FAM178B: variants seen among roughly 807,000 people sequenced by gnomAD.
FAM178B encodes protein FAM178B.
A neutral mutation model predicts 91.7 loss-of-function variants in FAM178B; 82 were observed. The observed-to-expected ratio is 0.89, with a 90% confidence interval of 0.75 to 1.07. The LOEUF (loss-of-function observed/expected upper bound fraction) is 1.07. Ranked by LOEUF, FAM178B falls within the 50% of genes least tolerant of loss-of-function variation. The pLI is 0.00. For synonymous variants in FAM178B, 368 were observed against 359.4 expected, an observed-to-expected ratio of 1.02 and a Z score of -0.27; for missense variants, 769 against 846.7, an observed-to-expected ratio of 0.91 and a Z score of 1.14.
chr2:96,949,134 G>A (rs1299069256), intron 7 of FAM178B, among the ~76,000 whole-genome samples: 6 of 152,170 alleles, frequency 3.9e-5, no homozygotes, highest in East Asian at 1.9e-4. Context: ...TGGCCCACAC[G>A]AGGGCACAGC....
intron 8 of FAM178B, among the ~76,000 whole-genome samples, chr2:96,937,708 G>C (rs185671418): frequency 6.6e-6 from 1 of 152,282 alleles, no homozygotes; most frequent in East Asian, 1.9e-4. Context: ...GCCATCCTCT[G>C]ATCAGAGTCT....
At chr2:96,878,112 G>A (rs2080292094) in intron 15 of FAM178B, 70 bp from the exon 16 acceptor site, 1 of 1,541,820 alleles carries the variant, frequency 6.5e-7, no homozygotes, top group Non-Finnish European at 8.8e-7. Flanking sequence ...CGGGCAGGAG[G>A]AGAACAAATT....
intron 12 of FAM178B, among the ~76,000 whole-genome samples, chr2:96,918,661 A>G (rs555108607): frequency 5.3e-5 from 8 of 152,230 alleles, no homozygotes; most frequent in Non-Finnish European, 1.2e-4. Flanking sequence ...CAGTCACTGG[A>G]AGAATGTCCA....
chr2:96,899,121 G>A (rs756433552), intron 13 of FAM178B, among the ~76,000 whole-genome samples: 4 of 152,220 alleles, frequency 2.6e-5, no homozygotes, highest in Admixed American at 6.5e-5. Context: ...CAGTGGAGAT[G>A]GGGAAGGAGC....
chr2:96,965,191 G>C (rs1392313459), intron 5 of FAM178B, among the ~76,000 whole-genome samples: 12 of 151,898 alleles, frequency 7.9e-5, no homozygotes, highest in Admixed American at 3.3e-4. Context: ...GTAGAGACAG[G>C]GTTCAGGGTT....
At chr2:96,926,468 G>T (rs2081440213) in intron 9 of FAM178B, among the ~76,000 whole-genome samples, 1 of 152,204 alleles carries the variant, frequency 6.6e-6, no homozygotes, top group African/African-American at 2.4e-5. Context: ...GCTACCTAAA[G>T]ACCTCCTTTG....
chr2:96,927,556 G>T (rs894349112), intron 9 of FAM178B, among the ~76,000 whole-genome samples: 2 of 152,176 alleles, frequency 1.3e-5, no homozygotes, highest in South Asian at 4.1e-4. Context: ...GCTTAACTGC[G>T]CCTGGGAAAG....
intron 1 of FAM178B, among the ~76,000 whole-genome samples, chr2:96,978,599 C>G (rs1016320641): frequency 6.6e-6 from 1 of 151,268 alleles, no homozygotes; most frequent in Non-Finnish European, 1.5e-5. Flanking sequence ...CCAGCTCCAT[C>G]CTTGTTGCTA....
In FAM178B at chr2:96,878,406, G is replaced by A. The variant is rs1488408966; in HGVS notation, c.1854+10C>T. ...ACCCCCACCACAGCCCTGCCCCTTGGGAGACTCACCCACTGGTCTGGAGTG... is the reference window on the plus strand; with the variant it reads ...ACCCCCACCACAGCCCTGCCCCTTGAGAGACTCACCCACTGGTCTGGAGTG... On this transcript the variant is annotated intron_variant, in intron 15 of 16. Transcript: ENST00000490605. The A allele has an allele frequency of 6.2e-7, 1 of 1,613,434 alleles. No individual in the cohort carries two copies.
intron 8 of FAM178B, among the ~76,000 whole-genome samples, chr2:96,932,659 C>T (rs189695472): frequency 6.6e-6 from 1 of 152,132 alleles, no homozygotes; most frequent in Non-Finnish European, 1.5e-5. Context: ...CAGCATGGGC[C>T]GGGCATGGTG....
Position 96,876,061 on chromosome 2 carries a change from T to C in FAM178B, c.*215A>G, listed in dbSNP as rs762032421. 2.2e-5 allele frequency: 13 copies of C among 579,664 alleles called. No individual in the cohort carries two copies. In the African/African-American group the frequency reaches 2.6e-4, roughly 12 times the overall value. The allele number at this position is 579,664 out of a possible 1,614,324, so 35.9% of individuals were successfully genotyped here. ...GGGGTGGGCGAGGCAGAGAGGCCCA[T>C]CCCTTGCTGAGAGGAGAGGGGGTCG... is the stretch of plus-strand genomic sequence containing the variant. On this transcript the variant is annotated 3_prime_UTR_variant, in exon 17 of 17. Coordinates refer to ENST00000490605, the MANE Select transcript of FAM178B (RefSeq NM_001122646.3).
intron 9 of FAM178B, among the ~76,000 whole-genome samples, chr2:96,926,890 C>T (rs2081448514): frequency 6.6e-6 from 1 of 152,194 alleles, no homozygotes; most frequent in Non-Finnish European, 1.5e-5. Flanking sequence ...CATTTTGAGC[C>T]CTGGCCATTG....
rs187726751 is a variant in FAM178B, at chr2:96,903,894, A to T, written c.1563-1187T>A. Among the ~76,000 whole-genome samples, 10 of 152,322 alleles carry T rather than the reference A, an allele frequency of 6.6e-5. No homozygotes were observed. In the East Asian group the frequency reaches 1.9e-3, roughly 29 times the overall value. ...GCACTTTTAGATTTTCTTAGGAAAG[A>T]GTCAAGAAAGTCAGAGGACTCGACA... On this transcript the variant is annotated intron_variant, in intron 12 of 16. Transcript: ENST00000490605.
intron 1 of FAM178B, chr2:96,978,030 T>A (rs1261100262): frequency 9.9e-6 from 4 of 403,658 alleles, no homozygotes; most frequent in Non-Finnish European, 2.0e-5. Context: ...GGAAAAAAAA[T>A]GACACAACTT....
At chr2:96,973,920 T>C (rs2082256395) in intron 1 of FAM178B, among the ~76,000 whole-genome samples, 1 of 148,698 alleles carries the variant, frequency 6.7e-6, no homozygotes, top group African/African-American at 2.5e-5. Flanking sequence ...GGAGAATCAC[T>C]TGAACCCAGG....
rs1216036194 is a variant in FAM178B at position 96,889,292 on chromosome 2, G to A, written c.1776+4634C>T. On this transcript the variant is annotated intron_variant, in intron 14 of 16. Coordinates refer to ENST00000490605, the MANE Select transcript of FAM178B (RefSeq NM_001122646.3). The stretch of plus-strand genomic sequence containing the variant: ...TCACAGTCCCCAAATTTAACCAACC[G>A]GGAGAAAAACTTCCATCCCACCATA... Among the ~76,000 whole-genome samples, 3 of 152,072 alleles carry A rather than the reference G, an allele frequency of 2.0e-5. 1 individual carries two copies. Among genetic ancestry groups the A allele is most frequent in the Non-Finnish European group, 2.9e-5 (2 of 68,024 alleles).
chr2:96,963,148 G>C (rs2082104379), intron 5 of FAM178B, among the ~76,000 whole-genome samples: 1 of 152,214 alleles, frequency 6.6e-6, no homozygotes, highest in African/African-American at 2.4e-5. Flanking sequence ...CTTCCTTTCT[G>C]TGAGGAGTTT....
intron 9 of FAM178B, among the ~76,000 whole-genome samples, chr2:96,925,244 G>A (rs1025759210): frequency 2.0e-5 from 3 of 152,170 alleles, no homozygotes; most frequent in Non-Finnish European, 4.4e-5. Context: ...CTGCCAAGGG[G>A]AGAAGGAACA....
In FAM178B at chr2:96,895,594, T is replaced by C. The variant is rs533011956; in HGVS notation, c.1651-1543A>G. 5.1e-4 allele frequency among the ~76,000 whole-genome samples: 77 copies of C among 152,342 alleles called. 1 individual carries two copies. The highest frequency in any genetic ancestry group is 8.7e-4 in the Non-Finnish European group (59 of 68,032). Reference sequence around the variant, plus strand: ...TGCCCAGCTGCCCTGAAGCTAACTCTTGGCTGGGGCAGAGGCAGGCAGGCT... The same window carrying C: ...TGCCCAGCTGCCCTGAAGCTAACTCCTGGCTGGGGCAGAGGCAGGCAGGCT... On this transcript the variant is annotated intron_variant, in intron 13 of 16. Transcript: ENST00000490605.
Sources: allele counts gnomAD v4.1 joint callset (sites outside exome capture counted in the v4.1 genomes callset), GRCh38; gene constraint gnomAD v4.1.1; transcripts MANE v1.5; gene names NCBI Gene and HGNC (gene_info 2026-07-23, HGNC 2026-07-21).